The following SSUH2 variants were observed in gnomAD, a reference collection of about 807,000 sequenced individuals.
The protein encoded by SSUH2 is protein SSUH2 homolog.
Under a neutral mutation model 55.3 loss-of-function variants are expected in SSUH2, and 47 were observed. The ratio of observed to expected loss-of-function variants is 0.85; its 90% CI spans 0.67 to 1.08. SSUH2 has a LOEUF of 1.08. SSUH2 is among the 50% of genes least tolerant of loss of function. The pLI is 0.00. For synonymous variants in SSUH2, 212 were observed against 191.5 expected (o/e 1.11, Z -0.89); for missense variants, 535 against 490.7 (o/e 1.09, Z -0.85).
chr3:8,657,884 G>A lies in SSUH2; in HGVS notation c.-307+1041C>T, dbSNP rs192350480. 4.4e-3 allele frequency among the ~76,000 whole-genome samples: 671 copies of A among 152,354 alleles called. 21 individuals are homozygous for A. The highest frequency in any genetic ancestry group is 3.7e-4 in the Non-Finnish European group (25 of 68,036). ...TGTGCATATCTGCTGGTATCAGCAG[G>A]CAGTGGGGCTGTCCCAGTCTCTTCC... On this transcript the variant is annotated intron_variant, in intron 7 of 18. Transcript: ENST00000317371.
chr3:8,629,633 C>CAGACTCACCAGTGGTTCACAGA, intron 7 of SSUH2, 31 bp downstream of exon 7: 2 of 1,587,722 alleles, frequency 1.3e-6, no homozygotes, highest in Non-Finnish European at 1.7e-6. Flanking sequence ...CACACCCTCA[C>CAGACTCACCAGTGGTTCACAGA]TGACTCACCA....
exon 3 of SSUH2, chr3:8,677,320 G>A (rs747999743): frequency 1.3e-5 from 2 of 151,420 alleles, no homozygotes; most frequent in Non-Finnish European, 2.9e-5. Context: ...CCCGGGATCA[G>A]AAAGAAAGCA....
At chr3:8,674,783 G>A (rs1159488148) in intron 3 of SSUH2, among the ~76,000 whole-genome samples, 1 of 151,984 alleles carries the variant, frequency 6.6e-6, no homozygotes, top group Non-Finnish European at 1.5e-5. Context: ...TGACCCTTAC[G>A]GTCCCCCGAG....
intron 1 of SSUH2, 131 bp downstream of exon 1, chr3:8,644,600 C>T: frequency 1.2e-6 from 1 of 834,288 alleles, no homozygotes; most frequent in South Asian, 1.5e-5. Flanking sequence ...ACAGTGCTAG[C>T]TACAGAGCTT....
intron 5 of SSUH2, among the ~76,000 whole-genome samples, chr3:8,664,468 T>C (rs1703795385): frequency 6.6e-6 from 1 of 151,780 alleles, no homozygotes; most frequent in South Asian, 2.1e-4. Context: ...CAACAAAATT[T>C]CTGAGCAATT....
chr3:8,643,551 G>C (rs746618129), intron 1 of SSUH2, among the ~76,000 whole-genome samples: 18 of 152,118 alleles, frequency 1.2e-4, no homozygotes, highest in Non-Finnish European at 2.5e-4. Flanking sequence ...ACTTCAATAT[G>C]AAAAAAGATT....
At chr3:8,676,720 GCGA>G (rs59375071) in intron 3 of SSUH2, among the ~76,000 whole-genome samples, 82,246 of 150,166 alleles carry the variant, frequency 0.55, 25,513 homozygotes, top group East Asian at 0.67. Flanking sequence ...AACACAGCCT[GCGA>G]TGCTGGAATT....
At chr3:8,620,080 T>C in intron 11 of SSUH2, 66 bp from the exon 12 acceptor site, 1 of 1,559,558 alleles carries the variant, frequency 6.4e-7, no homozygotes, top group Non-Finnish European at 8.7e-7. Flanking sequence ...GCTCAGGAAC[T>C]TTCAGTAGCT....
chr3:8,659,804 G>A (rs749963658), intron 6 of SSUH2: 25 of 456,184 alleles, frequency 5.5e-5, no homozygotes, highest in Non-Finnish European at 1.3e-5. Flanking sequence ...TCAGATACCT[G>A]CAGTCAGAAG....
intron 3 of SSUH2, among the ~76,000 whole-genome samples, chr3:8,675,738 G>C (rs1048993409): frequency 3.3e-5 from 5 of 152,152 alleles, no homozygotes; most frequent in Non-Finnish European, 2.9e-5. Context: ...GGTCACAAAG[G>C]GGGCTGGGAC....
upstream of SSUH2, among the ~76,000 whole-genome samples, chr3:8,648,752 G>T (rs1214612849): frequency 6.6e-6 from 1 of 152,052 alleles, no homozygotes; most frequent in East Asian, 1.9e-4. Context: ...ACACAGGTGG[G>T]GAAATGATTA....
At chr3:8,676,511 G>A (rs1225996058) in intron 3 of SSUH2, among the ~76,000 whole-genome samples, 1 of 150,862 alleles carries the variant, frequency 6.6e-6, no homozygotes, top group Non-Finnish European at 1.5e-5. Flanking sequence ...ATATTATTAA[G>A]GACCATCTCA....
chr3:8,680,344 G>C (rs1174715449), intron 1 of SSUH2, among the ~76,000 whole-genome samples: 1 of 150,984 alleles, frequency 6.6e-6, no homozygotes, highest in Non-Finnish European at 1.5e-5. Flanking sequence ...TAGGATCCAA[G>C]GTGGACTCAC....
intron 3 of SSUH2, among the ~76,000 whole-genome samples, chr3:8,673,108 T>C (rs1322161658): frequency 6.6e-6 from 1 of 152,010 alleles, no homozygotes; most frequent in Non-Finnish European, 1.5e-5. Flanking sequence ...AGATTATTAA[T>C]ATTAATATTA....
rs1370860403 is a variant in SSUH2, at chr3:8,626,246, G to C, written c.750C>G (p.Ile250Met). 4 of 1,613,970 alleles carry C rather than the reference G, an allele frequency of 2.5e-6. No homozygotes were observed. The highest frequency in any genetic ancestry group is 2.5e-6 in the Non-Finnish European group (3 of 1,179,852). The change falls in exon 9 of 12, where the codon ATC becomes ATG. Residue 250 changes from isoleucine to methionine, a missense_variant. Ile to Met is a conservative substitution (Grantham distance 10, BLOSUM62 1). Coordinates refer to ENST00000544814, the MANE Select transcript of SSUH2 (RefSeq NM_001256748.3). ...CKGEKKLLHF[I>M]QLVIMWKNSL... ...CCACATACCACATGATGACAAGCTG[G>C]ATGAAGTGCAACAGCTTCTTCTCCC...
intron 2 of SSUH2, among the ~76,000 whole-genome samples, chr3:8,679,182 CA>C (rs199934951): frequency 0.83 from 50,390 of 60,630 alleles, 20,432 homozygotes; most frequent in East Asian, 0.99. Flanking sequence ...TGTTCCCCCA[CA>C]CTGGCTCTTG....
intron 10 of SSUH2, among the ~76,000 whole-genome samples, chr3:8,624,715 T>C (rs1412580799): frequency 6.6e-6 from 1 of 152,152 alleles, no homozygotes; most frequent in Non-Finnish European, 1.5e-5. Flanking sequence ...AGACAACCTG[T>C]CAGAAAATGC....
rs144449187 is a variant in SSUH2, at chr3:8,633,927, T to G, written c.210-132A>C. 1.6e-4 allele frequency: 265 copies of G among 1,613,888 alleles called. 2 individuals carry two copies. The African/African-American group carries it at 3.1e-3, about 19-fold the overall frequency. Reference sequence around the variant, plus strand: ...GTGGTAAAGCCCTCAGCAGTCCAACTGGGGAGGGCATCTCCTGCAAAGGGG... The same window carrying G: ...GTGGTAAAGCCCTCAGCAGTCCAACGGGGGAGGGCATCTCCTGCAAAGGGG... On this transcript the variant is annotated intron_variant, in intron 3 of 11. Transcript: ENST00000544814.
intron 5 of SSUH2, among the ~76,000 whole-genome samples, chr3:8,666,859 G>A (rs187511243): frequency 6.6e-6 from 1 of 152,262 alleles, no homozygotes; most frequent in East Asian, 1.9e-4. Context: ...CTTTGGGTTT[G>A]ACTCATTTGC....
Sources: allele counts gnomAD v4.1 joint callset (sites outside exome capture counted in the v4.1 genomes callset), GRCh38; gene constraint gnomAD v4.1.1; transcripts MANE v1.5; gene names NCBI Gene and HGNC (gene_info 2026-07-23, HGNC 2026-07-21).